Variants in DEGS2 observed in about 807,000 individuals in gnomAD.
DEGS2 encodes sphingolipid delta(4)-desaturase/C4-monooxygenase DES2.
Under a neutral mutation model 23.8 loss-of-function variants are expected in DEGS2, and 19 were observed. The ratio of observed to expected loss-of-function variants is 0.80; its 90% CI spans 0.56 to 1.17. The LOEUF is 1.17. Ranked by LOEUF, DEGS2 falls within the 50% of genes most tolerant of loss-of-function variation. DEGS2 has a pLI of 0.00. For missense variants in DEGS2, 390 were observed against 459.5 expected (o/e 0.85, Z 1.38); for synonymous variants, 218 against 213.7 (o/e 1.02, Z -0.18).
upstream of DEGS2, among the ~76,000 whole-genome samples, chr14:100,160,842 A>G (rs1595281709): frequency 6.6e-6 from 1 of 152,204 alleles, no homozygotes; most frequent in Admixed American, 6.5e-5. Context: ...TGAATTAGCC[A>G]TGGGAAAGGT....
rs201412353 is a variant in DEGS2 at position 100,146,335 on chromosome 14, CCA to C, written c.*424_*425del. The C allele has an allele frequency of 3.0e-3, 528 of 178,730 alleles. 15 individuals are homozygous for C. The highest frequency in any genetic ancestry group is 0.026 in the Admixed American group (441 of 16,734). The allele number at this position is 178,730 out of a possible 1,614,324, so 11.1% of individuals were successfully genotyped here. On this transcript the variant is annotated 3_prime_UTR_variant, in exon 3 of 3. Coordinates refer to ENST00000305631, the MANE Select transcript of DEGS2 (RefSeq NM_206918.3). Reference sequence around the variant, plus strand: ...CGAAGCGGCACTCAGGCCTCAAGCTCCACTCATCGGGGCGGCCCAGCGCCCCA... The same window carrying C: ...CGAAGCGGCACTCAGGCCTCAAGCTCCTCATCGGGGCGGCCCAGCGCCCCA...
chr14:100,154,425 A>G lies in DEGS2; in HGVS notation c.83-4715T>C, dbSNP rs146406866. On this transcript the variant is annotated intron_variant, in intron 1 of 2. Transcript: ENST00000305631. ...GTCAGACTCCTGTGTGCCCTTGGGC[A>G]AGCCCCTGTCCCTCTCTGGACCTGT... 1.1e-3 allele frequency among the ~76,000 whole-genome samples: 173 copies of G among 151,666 alleles called. 1 individual carries two copies. The highest frequency in any genetic ancestry group is 4.0e-3 in the African/African-American group (165 of 41,398).
rs1889370820 is a variant in DEGS2 at position 100,143,968 on chromosome 14, G to A, written c.*2793C>T. The A allele has an allele frequency of 1.3e-5, 7 of 544,774 alleles. No individual in the cohort carries two copies. Among genetic ancestry groups the A allele is most frequent in the Admixed American group, 1.0e-4 (3 of 29,736 alleles). 33.7% of individuals were successfully genotyped at this position (544,774 alleles called of 1,614,324 possible). On this transcript the variant is annotated 3_prime_UTR_variant, in exon 3 of 3. Transcript: ENST00000305631. ...AACACCAGGTCTGCTCGTCTTTTTTGTGTTTTATATTTGCTTATTTAAGGT... is the reference window on the plus strand; with the variant it reads ...AACACCAGGTCTGCTCGTCTTTTTTATGTTTTATATTTGCTTATTTAAGGT...
chr14:100,153,941 G>A (rs771786791), intron 1 of DEGS2, among the ~76,000 whole-genome samples: 2 of 152,178 alleles, frequency 1.3e-5, no homozygotes, highest in Non-Finnish European at 2.9e-5. Context: ...AAGGCTGACC[G>A]AGCCAAGACT....
Position 100,146,741 on chromosome 14 carries a change from C to A in DEGS2, c.*20G>T. Reference sequence around the variant, plus strand: ...GGGGCCGATGGGGGACAATGGCCACCACCAGGAGGCAGCCCGGGCTCACAG... The same window carrying A: ...GGGGCCGATGGGGGACAATGGCCACAACCAGGAGGCAGCCCGGGCTCACAG... On this transcript the variant is annotated 3_prime_UTR_variant, in exon 3 of 3. Transcript: ENST00000305631. The A allele has an allele frequency of 6.2e-7, 1 of 1,611,072 alleles. No homozygotes were observed. Among genetic ancestry groups the A allele is most frequent in the Non-Finnish European group, 8.5e-7 (1 of 1,178,580 alleles).
intron 2 of DEGS2, among the ~76,000 whole-genome samples, chr14:100,148,280 C>T (rs535285816): frequency 1.3e-4 from 20 of 152,352 alleles, no homozygotes; most frequent in Middle Eastern, 3.4e-3. Context: ...GTGCACACCC[C>T]GGTGCACACA....
At chr14:100,158,971 T>C (rs1270316384) in intron 1 of DEGS2, among the ~76,000 whole-genome samples, 1 of 152,246 alleles carries the variant, frequency 6.6e-6, no homozygotes, top group Admixed American at 6.5e-5. Context: ...TTTGCTTTTT[T>C]CAAAGAAAAC....
chr14:100,153,172 C>G (rs1889601382), intron 1 of DEGS2, among the ~76,000 whole-genome samples: 1 of 152,122 alleles, frequency 6.6e-6, no homozygotes, highest in African/African-American at 2.4e-5. Context: ...GGGAAGATCG[C>G]TTGAGCCCAG....
rs1168680728 is a variant in DEGS2 at position 100,149,011 on chromosome 14, T to C, written c.782A>G (p.Glu261Gly). Reference protein sequence around the residue: ...WITFNVGYHVEHHDFPSIPGY... With the variant: ...WITFNVGYHVGHHDFPSIPGY... ...CGGGATGCTGGGGAAGTCGTGGTGC[T>C]CCACGTGGTAGCCCACATTGAAGGT... The change falls in exon 2 of 3, where the codon GAG (glutamate) becomes GGG (glycine). Residue 261 changes from glutamate (E) to glycine (G), a missense_variant. Coordinates refer to ENST00000305631, the MANE Select transcript of DEGS2 (RefSeq NM_206918.3). The C allele has an allele frequency of 6.2e-7, 1 of 1,612,832 alleles. No individual in the cohort carries two copies. The highest frequency in any genetic ancestry group is 1.7e-5 in the Admixed American group (1 of 60,026).
rs975306103 is a variant in DEGS2 at position 100,149,355 on chromosome 14, C to T, written c.438G>A (p.Thr146=). Residue 146 remains threonine (T), a synonymous_variant, in exon 2 of 3, where the codon ACG becomes ACA. Coordinates refer to ENST00000305631, the MANE Select transcript of DEGS2 (RefSeq NM_206918.3). ...TGCAGAAGAACCAGCCCTCCAGACG[C>T]GTGGGCACGTCCACGTCCAGCCCGT... ...GGDGLDVDVP[T]RLEGWFFCTP... 3 of 1,608,700 alleles carry T rather than the reference C, an allele frequency of 1.9e-6. No individual in the cohort carries two copies. Among genetic ancestry groups the T allele is most frequent in the African/African-American group, 1.3e-5 (1 of 74,854 alleles).
At chr14:100,156,106 A>G (rs573850129) in intron 1 of DEGS2, among the ~76,000 whole-genome samples, 1 of 152,334 alleles carries the variant, frequency 6.6e-6, no homozygotes, top group African/African-American at 2.4e-5. Flanking sequence ...GCTCTTTGCA[A>G]GGACTTCCTG....
rs1207909322 is a variant in DEGS2 at position 100,154,839 on chromosome 14, G to T, written c.82+4667C>A. Among the ~76,000 whole-genome samples the T allele has an allele frequency of 2.0e-5, 3 of 152,196 alleles. No homozygotes were observed. The East Asian group carries it at 5.8e-4, about 29-fold the overall frequency. On this transcript the variant is annotated intron_variant, in intron 1 of 2. Transcript: ENST00000305631. ...TACCCTTGCCTCCAAGAGTAGCAGA[G>T]ACAGGGCCCCCCCACGCCACACCCC...
At chr14:100,155,375 C>A (rs1464870246) in intron 1 of DEGS2, among the ~76,000 whole-genome samples, 1 of 152,138 alleles carries the variant, frequency 6.6e-6, no homozygotes. Context: ...CTCTGGGAAG[C>A]CACCTACCCA....
chr14:100,159,675 T>C, upstream of DEGS2: 1 of 341,346 alleles, frequency 2.9e-6, no homozygotes, highest in Non-Finnish European at 4.2e-6. Context: ...CAGCTCTGAT[T>C]AGGGCGGGGG....
At chr14:100,149,910 CAG>C (rs1304072394) in intron 1 of DEGS2, among the ~76,000 whole-genome samples, 200 bp from the exon 2 acceptor site, 4 of 152,268 alleles carry the variant, frequency 2.6e-5, no homozygotes, top group Non-Finnish European at 4.4e-5. Flanking sequence ...CCACCAGACT[CAG>C]AGGGCAGGAC....
chr14:100,160,199 G>T (rs1273773166), upstream of DEGS2: 1 of 152,236 alleles, frequency 6.6e-6, no homozygotes, highest in African/African-American at 2.4e-5. Flanking sequence ...GAGATAATGC[G>T]TCTGCAGCAA....
the DEGS2 span, among the ~76,000 whole-genome samples, chr14:100,165,885 G>C: frequency 1.4e-5 from 2 of 140,440 alleles, no homozygotes; most frequent in Admixed American, 7.1e-5. Context: ...GTAGGGGGAG[G>C]CTGCGGGGCG....
Position 100,149,055 on chromosome 14 carries a change from A to G in DEGS2, c.738T>C (p.Tyr246=), listed in dbSNP as rs1226106432. 6.2e-7 allele frequency: 1 copy of G among 1,612,924 alleles called. No individual in the cohort carries two copies. The highest frequency in any genetic ancestry group is 1.1e-5 in the South Asian group (1 of 91,090). Residue 246 remains tyrosine (Y), a synonymous_variant, in exon 2 of 3, where the codon TAT becomes TAC. Transcript: ENST00000305631. The stretch of plus-strand genomic sequence containing the variant: ...TGAAGGTGATCCAGTTGAGAGGCCC[A>G]TAGTAGGAGTAGGTCTCGTGGCCCT... The part of the protein sequence containing the change: ...FLKGHETYSY[Y]GPLNWITFNV...
chr14:100,147,644 GGGATGCCCTCCCTGCCCCCCCCCCCCA>G (rs1266045433), intron 2 of DEGS2, among the ~76,000 whole-genome samples: 3 of 146,674 alleles, frequency 2.0e-5, no homozygotes, highest in African/African-American at 4.9e-5. Context: ...TCCCATCACA[GGGATGCCCTCCCTGCCCCCCCCCCCCA>G]GGATGCCTTT....
Sources: gnomAD v4.1 joint callset for allele counts (sites outside exome capture counted in the v4.1 genomes callset) on GRCh38, gnomAD v4.1.1 for gene constraint, MANE v1.5 for transcripts, NCBI Gene and HGNC (gene_info 2026-07-23, HGNC 2026-07-21) for gene names.